The following POLN variants were observed in gnomAD, a reference collection of about 807,000 sequenced individuals.
POLN encodes DNA polymerase N.
POLN carries 108 observed loss-of-function variants against 113.5 expected under a neutral mutation model. The observed-to-expected ratio is 0.95, with a 90% confidence interval of 0.81 to 1.12. The LOEUF is 1.12. POLN is among the 50% of genes most tolerant of loss of function. POLN has a pLI of 0.00. For synonymous variants in POLN, 386 were observed against 391.5 expected, an observed-to-expected ratio of 0.99 and a Z score of 0.17; for missense variants, 1,097 against 1,077.1, an observed-to-expected ratio of 1.02 and a Z score of -0.26.
chr4:2,132,096 C>T (rs997243488), intron 16 of POLN, among the ~76,000 whole-genome samples: 1 of 152,158 alleles, frequency 6.6e-6, no homozygotes, highest in African/African-American at 2.4e-5. Context: ...AGTGGTAAGG[C>T]CACATTGTCA....
At chr4:2,228,260 AC>A (rs56774567) in intron 3 of POLN, 20,274 of 155,134 alleles carry the variant, frequency 0.13, 2,113 homozygotes, top group East Asian at 0.33. Context: ...AAAAAAAAAA[AC>A]ACCAACAAAA....
intron 13 of POLN, among the ~76,000 whole-genome samples, chr4:2,169,818 A>G (rs1732816086): frequency 6.6e-6 from 1 of 152,208 alleles, no homozygotes; most frequent in African/African-American, 2.4e-5. Flanking sequence ...AGCTTGAAGA[A>G]GAAGAGGATT....
At chr4:2,092,082 C>T (rs767795251) in intron 20 of POLN, among the ~76,000 whole-genome samples, 1 of 152,156 alleles carries the variant, frequency 6.6e-6, no homozygotes, top group Non-Finnish European at 1.5e-5. Context: ...GGGCTGGGTC[C>T]CTCCCCTGGC....
chr4:2,149,722 G>T (rs140332869), intron 16 of POLN, among the ~76,000 whole-genome samples: 2 of 152,150 alleles, frequency 1.3e-5, no homozygotes, highest in Admixed American at 1.3e-4. Flanking sequence ...GGAGTTGGAG[G>T]CTGCAGTGAG....
rs1475253333 is a variant in POLN, at chr4:2,072,200, ACT to A, written c.2615_2616del (p.Glu872ValfsTer87). On this transcript the variant is annotated frameshift_variant, in exon 26 of 26. Coordinates refer to ENST00000511885, the MANE Select transcript of POLN (RefSeq NM_181808.4). LOFTEE classifies it low-confidence loss of function (END_TRUNC). ...WGPPPGPCRT[E>X]SPSNSLAAPG... ...GGGGCAGCCAGGCTGTTGCTGGGAG[ACT>A]CAGTGCGACATGGGCCTGGCGGAGG... The A allele has an allele frequency of 6.2e-7, 1 of 1,610,060 alleles. No individual in the cohort carries two copies. The highest frequency in any genetic ancestry group is 8.5e-7 in the Non-Finnish European group (1 of 1,178,022).
chr4:2,088,702 CTTT>C, intron 20 of POLN: 1 of 998,402 alleles, frequency 1.0e-6, no homozygotes, highest in Non-Finnish European at 1.4e-6. Context: ...ATCAAGTTTT[CTTT>C]TGTTACTATT....
intron 19 of POLN, among the ~76,000 whole-genome samples, chr4:2,105,495 A>T (rs1731043009): frequency 6.6e-6 from 1 of 152,210 alleles, no homozygotes; most frequent in Non-Finnish European, 1.5e-5. Context: ...AGAGGAATAA[A>T]TCTATAAGAA....
chr4:2,218,443 T>TA (rs577978110), intron 3 of POLN, among the ~76,000 whole-genome samples: 121 of 146,110 alleles, frequency 8.3e-4, no homozygotes, highest in Middle Eastern at 3.5e-3. Flanking sequence ...GAAACTGCCT[T>TA]AAAAAAAAAA....
At chr4:2,181,146 GT>G (rs1733130236) in intron 7 of POLN, among the ~76,000 whole-genome samples, 1 of 151,940 alleles carries the variant, frequency 6.6e-6, no homozygotes, top group South Asian at 2.1e-4. Context: ...TTGTTTGTTT[GT>G]TTTGTTTGTT....
At chr4:2,138,794 C>T (rs532480369) in intron 16 of POLN, among the ~76,000 whole-genome samples, 6 of 151,892 alleles carry the variant, frequency 4.0e-5, no homozygotes, top group South Asian at 4.2e-4. Flanking sequence ...CCCAGCTACT[C>T]GGGAGGCTGA....
chr4:2,160,313 C>T (rs979651286), intron 13 of POLN, among the ~76,000 whole-genome samples: 3 of 152,264 alleles, frequency 2.0e-5, no homozygotes, highest in Admixed American at 6.5e-5. Context: ...GTGTCTTTTT[C>T]TCCTTGGGTT....
chr4:2,152,317 CAT>C (rs1732315997), intron 16 of POLN, among the ~76,000 whole-genome samples: 1 of 150,808 alleles, frequency 6.6e-6, no homozygotes. Context: ...GGATTACAGA[CAT>C]GAGCCATTGC....
At chr4:2,238,613 G>C in intron 2 of POLN, 1 of 1,589,490 alleles carries the variant, frequency 6.3e-7, no homozygotes, top group Non-Finnish European at 8.6e-7. Context: ...CCTATGAGTA[G>C]AATAATCCTT....
intron 25 of POLN, 122 bp from the exon 26 acceptor site, chr4:2,072,421 A>T (rs1258666716): frequency 1.2e-6 from 1 of 817,670 alleles, no homozygotes; most frequent in South Asian, 1.9e-5. Flanking sequence ...ATACATGATC[A>T]GACAGCCACA....
chr4:2,136,368 G>A (rs956591403), intron 16 of POLN, among the ~76,000 whole-genome samples: 5 of 152,330 alleles, frequency 3.3e-5, no homozygotes, highest in South Asian at 2.1e-4. Flanking sequence ...GCTGAACCCC[G>A]CAGAGGAAGG....
intron 25 of POLN, among the ~76,000 whole-genome samples, chr4:2,072,708 G>A (rs887415756): frequency 2.6e-5 from 4 of 152,266 alleles, no homozygotes; most frequent in African/African-American, 9.6e-5. Context: ...CCCTGACCTT[G>A]AGTGGACCAA....
At chr4:2,172,411 C>T (rs1732885484) in intron 11 of POLN, among the ~76,000 whole-genome samples, 1 of 152,032 alleles carries the variant, frequency 6.6e-6, no homozygotes, top group Admixed American at 6.6e-5. Flanking sequence ...ATAATTCTTT[C>T]ACAACAACTG....
chr4:2,106,888 T>A (rs1186847574), intron 19 of POLN, among the ~76,000 whole-genome samples: 3 of 152,172 alleles, frequency 2.0e-5, no homozygotes, highest in Non-Finnish European at 2.9e-5. Flanking sequence ...TATTTTTGCA[T>A]CATAAACTGC....
At chr4:2,142,185 C>T (rs762816203) in intron 16 of POLN, among the ~76,000 whole-genome samples, 5 of 152,216 alleles carry the variant, frequency 3.3e-5, no homozygotes, top group Non-Finnish European at 7.3e-5. Flanking sequence ...TTTTTGATCT[C>T]TCATGCCGAT....
Sources: gnomAD v4.1 joint callset for allele counts (sites outside exome capture counted in the v4.1 genomes callset) on GRCh38, gnomAD v4.1.1 for gene constraint, MANE v1.5 for transcripts, NCBI Gene and HGNC (gene_info 2026-07-23, HGNC 2026-07-21) for gene names.